The following PREX1 variants were observed in gnomAD, a reference collection of about 807,000 sequenced individuals.
PREX1 encodes the protein phosphatidylinositol-3,4,5-trisphosphate dependent Rac exchange factor 1.
In PREX1, 41 loss-of-function variants were observed where a neutral mutation model predicts 198.3. The ratio of observed to expected loss-of-function variants is 0.21; its 90% confidence interval spans 0.16 to 0.27. PREX1 has a LOEUF of 0.27. PREX1 is among the 10% of genes least tolerant of loss of function. PREX1 has a pLI of 1.00. For synonymous variants in PREX1, 843 were observed against 887.2 expected (o/e 0.95, Z 0.89); for missense variants, 1,620 against 2,200.7 (o/e 0.74, Z 5.28).
rs1303509006 is a variant in PREX1 at position 48,684,695 on chromosome 20, C to T, written c.1335-3360G>A. ...TCCTCATCTCACTCCACTACCGAGA[C>T]TCCTCCAGTGGCTTCCCACAGCACC... On this transcript the variant is annotated intron_variant, in intron 10 of 39. Transcript: ENST00000371941. This position sits in a 1 kb window ranked among gnomAD's most constrained non-coding sequence, Gnocchi z 4.2. Among the ~76,000 whole-genome samples, 1 of 152,196 alleles carries T rather than the reference C, an allele frequency of 6.6e-6. No homozygotes were observed. The highest frequency in any genetic ancestry group is 2.4e-5 in the African/African-American group (1 of 41,450).
At chr20:48,658,875 C>T (rs775774663) in intron 16 of PREX1, among the ~76,000 whole-genome samples, 14 of 151,908 alleles carry the variant, frequency 9.2e-5, no homozygotes, top group Non-Finnish European at 1.3e-4. Context: ...ATGCTCCAGG[C>T]AGCAGACACA....
At chr20:48,657,779 T>C (rs191763450) in intron 17 of PREX1, among the ~76,000 whole-genome samples, 306 of 151,956 alleles carry the variant, frequency 2.0e-3, no homozygotes, top group Non-Finnish European at 3.6e-3. Context: ...TCTCCTAACC[T>C]ATCCTCCTGT....
At chr20:48,823,037 A>G (rs1387579568) in intron 1 of PREX1, among the ~76,000 whole-genome samples, 1 of 152,224 alleles carries the variant, frequency 6.6e-6, no homozygotes, top group Non-Finnish European at 1.5e-5. Flanking sequence ...CTTGTTTGGC[A>G]AGCGGAGCTC....
At chr20:48,700,068 G>C (rs544784914) in intron 7 of PREX1, among the ~76,000 whole-genome samples, 1 of 152,218 alleles carries the variant, frequency 6.6e-6, no homozygotes, top group South Asian at 2.1e-4. Flanking sequence ...ACATGCACCT[G>C]CCTCCATCTA....
chr20:48,824,100 G>C (rs2090498987), intron 1 of PREX1, among the ~76,000 whole-genome samples: 1 of 152,144 alleles, frequency 6.6e-6, no homozygotes, highest in African/African-American at 2.4e-5. Context: ...CACATAGCCA[G>C]GGCCTCGAAA....
chr20:48,884,137 T>TA, the PREX1 span, among the ~76,000 whole-genome samples: 1,742 of 118,902 alleles, frequency 0.015, 30 homozygotes, highest in African/African-American at 0.039. Flanking sequence ...AAACTCCGTC[T>TA]AAAAAAAAAA....
upstream of PREX1, among the ~76,000 whole-genome samples, chr20:48,832,272 G>C (rs570681287): frequency 1.3e-5 from 2 of 152,188 alleles, no homozygotes; most frequent in Admixed American, 1.3e-4. Context: ...TCACAGTTGA[G>C]GGGGAGAAGA....
At chr20:48,767,274 G>T (rs1202784806) in intron 1 of PREX1, among the ~76,000 whole-genome samples, 1 of 152,192 alleles carries the variant, frequency 6.6e-6, no homozygotes, top group African/African-American at 2.4e-5. Context: ...AGCTCACCAG[G>T]GATTCTGCAA....
the PREX1 span, among the ~76,000 whole-genome samples, chr20:48,861,434 CTA>C: frequency 6.6e-6 from 1 of 152,174 alleles, no homozygotes; most frequent in Admixed American, 6.5e-5. Flanking sequence ...CACCCGGGGG[CTA>C]TGTTTTTCCG....
chr20:48,650,579 C>T (rs1333296272), intron 23 of PREX1, among the ~76,000 whole-genome samples: 1 of 152,240 alleles, frequency 6.6e-6, no homozygotes, highest in African/African-American at 2.4e-5. Context: ...CCAACCAGAA[C>T]TCCCTTGGAG....
At chr20:48,690,377 A>G (rs904024740) in intron 9 of PREX1, among the ~76,000 whole-genome samples, 1 of 152,122 alleles carries the variant, frequency 6.6e-6, no homozygotes, top group African/African-American at 2.4e-5. Flanking sequence ...GAGGTCTGGA[A>G]AGCTGGAGTA....
intron 5 of PREX1, among the ~76,000 whole-genome samples, chr20:48,716,242 A>C (rs1169125359): frequency 6.6e-6 from 1 of 152,128 alleles, no homozygotes; most frequent in Non-Finnish European, 1.5e-5. Flanking sequence ...AAGGCTTCCT[A>C]GAAGAGAGGA....
intron 39 of PREX1, among the ~76,000 whole-genome samples, chr20:48,627,231 G>A (rs1374559161): frequency 1.3e-5 from 2 of 151,740 alleles, no homozygotes; most frequent in Non-Finnish European, 1.5e-5. Context: ...ACATGGCATG[G>A]GACACAGGGT....
chr20:48,887,485 T>A, the PREX1 span, among the ~76,000 whole-genome samples: 1 of 152,142 alleles, frequency 6.6e-6, no homozygotes, highest in Non-Finnish European at 1.5e-5. Context: ...CCAGGCATAG[T>A]GGCTCACACC....
At chr20:48,668,450 G>A (rs1281531422) in intron 14 of PREX1, among the ~76,000 whole-genome samples, 1 of 152,204 alleles carries the variant, frequency 6.6e-6, no homozygotes, top group African/African-American at 2.4e-5. Flanking sequence ...GGAGCTTGCA[G>A]CCAGGTCAAT....
At position 48,627,529 on chromosome 20, in the gene PREX1, G is replaced by A. The variant is rs368656681; in HGVS notation, c.4937+19C>T. 148 of 1,613,556 alleles carry A rather than the reference G, an allele frequency of 9.2e-5. No individual in the cohort carries two copies. Among genetic ancestry groups the A allele is most frequent in the Admixed American group, 4.2e-4 (25 of 59,996 alleles). On this transcript the variant is annotated intron_variant, in intron 39 of 39. Transcript: ENST00000371941. ...CAGCTGGGAGTGGACAGGAAGGGGCGGACGAGGCAGCCACTCACCGCGGAG... is the reference window on the plus strand; with the variant it reads ...CAGCTGGGAGTGGACAGGAAGGGGCAGACGAGGCAGCCACTCACCGCGGAG...
intron 25 of PREX1, among the ~76,000 whole-genome samples, chr20:48,646,989 C>T (rs1168428906): frequency 6.6e-6 from 1 of 152,212 alleles, no homozygotes; most frequent in Non-Finnish European, 1.5e-5. Flanking sequence ...GCCTGTAATC[C>T]CAACACTTTG....
intron 1 of PREX1, among the ~76,000 whole-genome samples, chr20:48,807,284 C>A (rs911119504): frequency 2.0e-5 from 3 of 152,276 alleles, no homozygotes; most frequent in Non-Finnish European, 4.4e-5. Context: ...TCATAAATAC[C>A]CATTGAGAGA....
intron 1 of PREX1, among the ~76,000 whole-genome samples, chr20:48,759,549 C>CAAAAAA (rs386393896): frequency 2.4e-4 from 18 of 73,850 alleles, no homozygotes; most frequent in South Asian, 5.1e-4. Context: ...GATTCCATCT[C>CAAAAAA]AAAAAAAAAA....
Sources: gnomAD v4.1 joint callset for allele counts (sites outside exome capture counted in the v4.1 genomes callset) on GRCh38, gnomAD v4.1.1 for gene constraint, Gnocchi (gnomAD v3.1) non-coding constraint, MANE v1.5 for transcripts, NCBI Gene and HGNC (gene_info 2026-07-23, HGNC 2026-07-21) for gene names.